HDGFL2: variants seen among roughly 807,000 people sequenced by gnomAD.
HDGFL2 encodes HDGF like 2, also known as hepatoma-derived growth factor-related protein 2.
Under a neutral mutation model 77.1 loss-of-function variants are expected in HDGFL2, and 36 were observed. The ratio of observed to expected loss-of-function variants is 0.47; its 90% CI spans 0.36 to 0.62. The LOEUF (loss-of-function observed/expected upper bound fraction) is 0.62, where lower values mean the gene tolerates loss of function less well. Ranked by LOEUF, HDGFL2 falls within the 20% of genes least tolerant of loss-of-function variation. The pLI, the probability that HDGFL2 is intolerant of heterozygous loss-of-function variation, is 0.00. For synonymous variants in HDGFL2, 463 were observed against 413.1 expected (o/e 1.12, Z -1.46); for missense variants, 976 against 973.4 (o/e 1.00, Z -0.04).
In HDGFL2 at chr19:4,498,365, G is replaced by T; in HGVS notation, c.1462G>T (p.Val488Phe). 1 of 1,613,564 alleles carries T rather than the reference G, an allele frequency of 6.2e-7. No homozygotes were observed. The highest frequency in any genetic ancestry group is 8.5e-7 in the Non-Finnish European group (1 of 1,179,756). The change falls in exon 12 of 16, where the codon GTC becomes TTC. Residue 488 changes from valine (V) to phenylalanine (F), a missense_variant. Around this residue, in one of 5 missense-constraint regions of HDGFL2, gnomAD observed 46 missense variants for 81.3 expected, o/e 0.57. Transcript: ENST00000616600. ...CAGTGAGATCAAGTTTGCCCTAAAG[G>T]TCGACAGCCCGGTAAGACCCTCAGG... ...LHSEIKFALK[V>F]DSPDVKRCLN...
intron 6 of HDGFL2, among the ~76,000 whole-genome samples, chr19:4,492,177 G>A (rs938644859): frequency 1.2e-4 from 18 of 152,158 alleles, no homozygotes; most frequent in African/African-American, 3.4e-4. Context: ...GTATATGAGC[G>A]GATTGTGTGT....
chr19:4,485,883 C>CAA (rs57557081), intron 3 of HDGFL2, among the ~76,000 whole-genome samples: 1 of 95,624 alleles, frequency 1.0e-5, no homozygotes, highest in Non-Finnish European at 1.9e-5. Flanking sequence ...CCCATGTCTA[C>CAA]AAAAAAAAAA....
Position 4,475,346 on chromosome 19 carries a change from C to G in HDGFL2, c.144C>G (p.His48Gln). ...ACCCCATCTTTTTCTTTGGCACACA[C>G]GAAACGTAAGTGTCCCCTTCTGGGG... is the stretch of plus-strand genomic sequence containing the variant. ...NKYPIFFFGTHETAFLGPKDL... is the reference protein window; with the variant it reads ...NKYPIFFFGTQETAFLGPKDL... Residue 48 changes from histidine (H) to glutamine (Q), a missense_variant, in exon 2 of 16, where the codon CAC becomes CAG. Physicochemically the swap from His to Gln is conservative, Grantham distance 24. Around this residue, in one of 5 missense-constraint regions of HDGFL2, gnomAD observed 103 missense variants for 145.7 expected, o/e 0.71. Transcript: ENST00000616600. 6.2e-7 allele frequency: 1 copy of G among 1,614,088 alleles called. No individual in the cohort carries two copies. Among genetic ancestry groups the G allele is most frequent in the Non-Finnish European group, 8.5e-7 (1 of 1,179,992 alleles).
rs569380280 is a variant in HDGFL2, at chr19:4,479,512, C to T, written c.288+3929C>T. Among the ~76,000 whole-genome samples, 30 of 149,768 alleles carry T rather than the reference C, an allele frequency of 2.0e-4. No individual in the cohort carries two copies. In the South Asian group the frequency reaches 4.5e-3, roughly 22 times the overall value. The stretch of plus-strand genomic sequence containing the variant: ...AGGAGAATGGCATGAACCCGGGAGG[C>T]GGAGCTTGCAGTGAGCTGAGCTCCC... On this transcript the variant is annotated intron_variant, in intron 3 of 15. Transcript: ENST00000616600.
intron 10 of HDGFL2, 177 bp from the exon 11 acceptor site, chr19:4,497,781 G>A (rs1599723763): frequency 1.7e-6 from 1 of 593,594 alleles, no homozygotes; most frequent in East Asian, 2.8e-5. Flanking sequence ...GGCTGCCCTG[G>A]TCTGCCCTAG....
At chr19:4,492,508 A>G (rs1417646813) in intron 6 of HDGFL2, among the ~76,000 whole-genome samples, 2 of 150,872 alleles carry the variant, frequency 1.3e-5, no homozygotes, top group South Asian at 4.2e-4. Flanking sequence ...TCATGTATCT[A>G]TGTGTCTGTG....
At chr19:4,493,909 G>A (rs1975622128) in intron 7 of HDGFL2, 47 bp downstream of exon 7, 1 of 1,520,926 alleles carries the variant, frequency 6.6e-7, no homozygotes, top group African/African-American at 1.4e-5. Flanking sequence ...CCCTGCCGGG[G>A]CGCTCCCAGG....
rs774624135 is a variant in HDGFL2 at position 4,472,454 on chromosome 19, G to GC, written c.72+32_72+33insC. The GC allele has an allele frequency of 3.4e-5, 17 of 501,952 alleles. 1 individual carries two copies. The highest frequency in any genetic ancestry group is 7.6e-5 in the East Asian group (2 of 26,490). 31.1% of individuals were successfully genotyped at this position (501,952 alleles called of 1,614,324 possible). The stretch of plus-strand genomic sequence containing the variant: ...CCGCGCGGGAGATGGGGCCGGTGGG[G>GC]GGGGGGGGGGGGGCAGCGGGGGCCC... On this transcript the variant is annotated intron_variant, in intron 1 of 15. Transcript: ENST00000616600.
At chr19:4,477,203 C>T (rs75639038) in intron 3 of HDGFL2, among the ~76,000 whole-genome samples, 2,454 of 152,208 alleles carry the variant, frequency 0.016, 102 homozygotes, top group Admixed American at 0.091. Flanking sequence ...GCAGACGTTT[C>T]GGTGGTGACA....
intron 3 of HDGFL2, among the ~76,000 whole-genome samples, chr19:4,478,595 T>TGAAA (rs1403930871): frequency 6.6e-6 from 1 of 151,832 alleles, no homozygotes; most frequent in Non-Finnish European, 1.5e-5. Flanking sequence ...AGCCAGTAGG[T>TGAAA]GAAACATGGC....
At chr19:4,494,119 C>T (rs759034372) in intron 8 of HDGFL2, 47 bp from the exon 9 acceptor site, 1 of 1,506,876 alleles carries the variant, frequency 6.6e-7, no homozygotes, top group Non-Finnish European at 8.9e-7. Flanking sequence ...GCAGGGCGGG[C>T]TCCTGAGGGA....
At chr19:4,496,057 T>G (rs982329188) in intron 9 of HDGFL2, among the ~76,000 whole-genome samples, 2 of 152,116 alleles carry the variant, frequency 1.3e-5, no homozygotes, top group African/African-American at 4.8e-5. Context: ...AGCCCAGGAC[T>G]GCTGGGCAGG....
chr19:4,477,880 G>A (rs1366586957), intron 3 of HDGFL2, among the ~76,000 whole-genome samples: 2 of 152,038 alleles, frequency 1.3e-5, no homozygotes, highest in Non-Finnish European at 2.9e-5. Context: ...AGGAGTTCAA[G>A]ACCAGCTTGG....
chr19:4,485,280 CTT>C (rs1975331434), intron 3 of HDGFL2, among the ~76,000 whole-genome samples: 1 of 152,198 alleles, frequency 6.6e-6, no homozygotes, highest in South Asian at 2.1e-4. Context: ...TTGTGTCTCA[CTT>C]CTGTCAGCTG....
intron 14 of HDGFL2, among the ~76,000 whole-genome samples, chr19:4,500,734 T>TA (rs1403841942): frequency 6.6e-6 from 1 of 152,116 alleles, no homozygotes; most frequent in Middle Eastern, 3.2e-3. Context: ...GTGCTGGGAT[T>TA]ACAGGCGTGA....
intron 10 of HDGFL2, 37 bp downstream of exon 10, chr19:4,496,442 C>T (rs758668614): frequency 6.8e-7 from 1 of 1,469,288 alleles, no homozygotes; most frequent in Non-Finnish European, 9.5e-7. Context: ...CCTGGGGGCC[C>T]CGCACCCCGC....
chr19:4,501,056 G>A, intron 14 of HDGFL2, 135 bp from the exon 15 acceptor site: 1 of 1,023,618 alleles, frequency 9.8e-7, no homozygotes, highest in Non-Finnish European at 1.4e-6. Flanking sequence ...GACAGCAGGT[G>A]CTGGGGTCCA....
chr19:4,486,356 T>C (rs916463345), intron 3 of HDGFL2: 1 of 151,860 alleles, frequency 6.6e-6, no homozygotes, highest in African/African-American at 2.4e-5. Flanking sequence ...ATAGCAGGTG[T>C]GTCATGATGT....
intron 10 of HDGFL2, among the ~76,000 whole-genome samples, 172 bp downstream of exon 10, chr19:4,496,577 AGT>A (rs1168611909): frequency 1.3e-5 from 2 of 152,074 alleles, no homozygotes; most frequent in Non-Finnish European, 2.9e-5. Flanking sequence ...CTGCTGCGGG[AGT>A]GGGATCTTTG....
Sources: gnomAD v4.1 joint callset for allele counts (sites outside exome capture counted in the v4.1 genomes callset) on GRCh38, gnomAD v4.1.1 for gene constraint, gnomAD v4.1.1 regional missense constraint, MANE v1.5 for transcripts, NCBI Gene and HGNC (gene_info 2026-07-23, HGNC 2026-07-21) for gene names.